Variants in CYGB observed in about 807,000 individuals in gnomAD.
CYGB encodes the protein histoglobin.
Under a neutral mutation model 20.7 loss-of-function variants are expected in CYGB, and 13 were observed. The ratio of observed to expected loss-of-function variants is 0.63; its 90% confidence interval spans 0.41 to 1.00. The LOEUF is 1.00. Ranked by LOEUF, CYGB falls within the 50% of genes least tolerant of loss-of-function variation. The probability of loss-of-function intolerance (pLI) is 0.00; values close to 1 mark genes in which losing one functional copy is unlikely to be tolerated. For missense variants in CYGB, 218 were observed against 257.2 expected, an observed-to-expected ratio of 0.85 and a Z score of 1.04; for synonymous variants, 93 against 107.4, an observed-to-expected ratio of 0.87 and a Z score of 0.83.
At chr17:76,536,508 G>T (rs1309324714) in intron 1 of CYGB, among the ~76,000 whole-genome samples, 1 of 152,212 alleles carries the variant, frequency 6.6e-6, no homozygotes, top group Non-Finnish European at 1.5e-5. Flanking sequence ...ACCAGCACGT[G>T]TGGAAAGAGA....
intron 1 of CYGB, chr17:76,550,637 T>C (rs1338636383): frequency 3.3e-5 from 5 of 152,234 alleles, no homozygotes; most frequent in African/African-American, 7.2e-5. Context: ...TATACACTTA[T>C]TGGACTACTG....
At chr17:76,540,442 T>C (rs368685571), upstream of CYGB, 583 of 1,568,696 alleles carry the variant, frequency 3.7e-4, 1 homozygote, top group Middle Eastern at 3.2e-3. The surrounding 1 kb of genome is among the most constrained non-coding windows in gnomAD (Gnocchi z 5.0). Context: ...CCTGGACCTG[T>C]GGAGGGACAG....
intron 1 of CYGB, 97 bp downstream of exon 1, chr17:76,537,303 G>T: frequency 1.5e-6 from 2 of 1,329,278 alleles, no homozygotes; most frequent in Admixed American, 3.6e-5. Context: ...CGGCTGGGGA[G>T]GTGGCGCTGG....
Position 76,537,604 on chromosome 17 carries a change from G to C in CYGB, c.-62C>G, listed in dbSNP as rs1158481613. ...CGGCGGTGGCGGGGCGCGGGGCGCGGGGCGCGGGGCGCCGGGAGCCGGGGC... is the reference window on the plus strand; with the variant it reads ...CGGCGGTGGCGGGGCGCGGGGCGCGCGGCGCGGGGCGCCGGGAGCCGGGGC... On this transcript the variant is annotated 5_prime_UTR_variant, in exon 1 of 4. Coordinates refer to ENST00000293230, the MANE Select transcript of CYGB (RefSeq NM_134268.5). 1 of 1,050,466 alleles carries C rather than the reference G, an allele frequency of 9.5e-7. No individual in the cohort carries two copies. Among genetic ancestry groups the C allele is most frequent in the Non-Finnish European group, 1.1e-6 (1 of 872,244 alleles). 65.1% of individuals were successfully genotyped at this position (1,050,466 alleles called of 1,614,324 possible).
chr17:76,531,181 C>G lies in CYGB; in HGVS notation c.376-39G>C, dbSNP rs375562952. 24 of 1,590,384 alleles carry G rather than the reference C, an allele frequency of 1.5e-5. No homozygotes were observed. Among genetic ancestry groups the G allele is most frequent in the Non-Finnish European group, 2.0e-5 (23 of 1,164,954 alleles). On this transcript the variant is annotated intron_variant, in intron 2 of 3. Transcript: ENST00000293230. This position sits in a 1 kb window ranked among gnomAD's most constrained non-coding sequence, Gnocchi z 7.4. ...GAGGAAGGGGGAGTGAACGCCCGGG[C>G]GCCCTGCGTCCTGCAACCCCCAGGC...
Position 76,547,375 on chromosome 17 carries a change from GAGGA to G in CYGB, c.-53+3483_-53+3486del, listed in dbSNP as rs1312381930. On this transcript the variant is annotated intron_variant, in intron 1 of 3. Coordinates refer to the CYGB transcript ENST00000589145. ...CCCAGCTGGAGATGCGGAGCCTGGT[GAGGA>G]AGGTTGTTTTGATTTGTTTTTGCAG... 2.0e-5 allele frequency: 3 copies of G among 152,842 alleles called. No individual in the cohort carries two copies. The East Asian group carries it at 5.8e-4, about 29-fold the overall frequency. The allele number at this position is 152,842 out of a possible 1,614,324, so 9.5% of individuals were successfully genotyped here. A position where few individuals can be genotyped will look rare whatever the true frequency, so the allele number is the denominator to read the frequency against.
chr17:76,542,817 G>A (rs1876379341), intron 1 of CYGB, among the ~76,000 whole-genome samples: 4 of 152,212 alleles, frequency 2.6e-5, no homozygotes, highest in Admixed American at 2.6e-4. Context: ...TTGTGGTCCG[G>A]GCCATGGGGC....
At chr17:76,542,347 A>G (rs534027184), upstream of CYGB, among the ~76,000 whole-genome samples, 2 of 152,270 alleles carry the variant, frequency 1.3e-5, no homozygotes, top group African/African-American at 2.4e-5. Flanking sequence ...CCACCTGCCG[A>G]TGGTGGCTGC....
At position 76,527,432 on chromosome 17, in the gene CYGB, C is replaced by T. The variant is rs985998745; in HGVS notation, c.*1146G>A. 2.5e-5 allele frequency: 9 copies of T among 367,196 alleles called. No individual in the cohort carries two copies. The highest frequency in any genetic ancestry group is 1.5e-4 in the East Asian group (2 of 13,688). The allele number at this position is 367,196 out of a possible 1,614,324, so 22.7% of individuals were successfully genotyped here. The stretch of plus-strand genomic sequence containing the variant: ...TCAGAAACTAGAAAAGGAGGACGGG[C>T]GGTTGCACAGATGAGGATGAGGATG... On this transcript the variant is annotated 3_prime_UTR_variant, in exon 4 of 4. Coordinates refer to ENST00000293230, the MANE Select transcript of CYGB (RefSeq NM_134268.5).
At chr17:76,544,997 C>G (rs780340686) in intron 1 of CYGB, 1 of 441,116 alleles carries the variant, frequency 2.3e-6, no homozygotes, top group Non-Finnish European at 4.5e-6. Context: ...TGGCGGCCAG[C>G]GGGGCTGTGG....
At chr17:76,542,556 G>A (rs776381622), upstream of CYGB, 1 of 1,614,210 alleles carries the variant, frequency 6.2e-7, no homozygotes, top group Non-Finnish European at 8.5e-7. Context: ...TGTTTAGGGA[G>A]AAAGAACCTC....
At chr17:76,545,694 C>T (rs1477277770) in intron 1 of CYGB, 1 of 286,388 alleles carries the variant, frequency 3.5e-6, no homozygotes, top group African/African-American at 2.2e-5. Context: ...GGAGATCCTA[C>T]TGGTATCTGT....
At chr17:76,542,461 T>C (rs1243774084), upstream of CYGB, 2 of 1,452,896 alleles carry the variant, frequency 1.4e-6, no homozygotes, top group South Asian at 1.1e-5. Context: ...TTGGGGTGAA[T>C]TGATAGGGAT....
At chr17:76,534,511 G>A (rs562806557) in intron 1 of CYGB, among the ~76,000 whole-genome samples, 1 of 152,318 alleles carries the variant, frequency 6.6e-6, no homozygotes, top group African/African-American at 2.4e-5. Flanking sequence ...AGCTAAGCGG[G>A]TATTACCTCT....
At chr17:76,543,972 G>A (rs1055994807) in intron 1 of CYGB, 9 of 464,272 alleles carry the variant, frequency 1.9e-5, no homozygotes, top group East Asian at 6.9e-5. Context: ...GGGCAGTAGC[G>A]TGTGGGAAGG....
chr17:76,540,639 G>A, upstream of CYGB: 9 of 1,483,026 alleles, frequency 6.1e-6, no homozygotes, highest in Non-Finnish European at 8.4e-6. The surrounding 1 kb of genome is among the most constrained non-coding windows in gnomAD (Gnocchi z 5.0). Context: ...GTGCATGCCT[G>A]GGGGTGCACG....
chr17:76,531,853 T>G lies in CYGB; in HGVS notation c.144-162A>C. On this transcript the variant is annotated intron_variant, in intron 1 of 3. Coordinates refer to ENST00000293230, the MANE Select transcript of CYGB (RefSeq NM_134268.5). This position sits in a 1 kb window ranked among gnomAD's most constrained non-coding sequence, Gnocchi z 7.4. ...CAGTAGACCTCAGCATAGACCCTCC[T>G]CCCTCTGGCCAAGCCGGCTCACCCC... 1.6e-6 allele frequency: 1 copy of G among 609,408 alleles called. No individual in the cohort carries two copies. Among genetic ancestry groups the G allele is most frequent in the Non-Finnish European group, 2.8e-6 (1 of 354,700 alleles). The allele number at this position is 609,408 out of a possible 1,614,324, so 37.8% of individuals were successfully genotyped here.
upstream of CYGB, chr17:76,538,323 G>A (rs2074946946): frequency 1.3e-5 from 4 of 308,064 alleles, no homozygotes; most frequent in South Asian, 9.2e-5. Flanking sequence ...GCTCTGGGGG[G>A]TTAGCACGGG....
In CYGB at chr17:76,528,529, C is replaced by T. The variant is rs370895072; in HGVS notation, c.*49G>A. The T allele has an allele frequency of 3.2e-5, 41 of 1,270,608 alleles. 1 individual carries two copies. The highest frequency in any genetic ancestry group is 3.3e-5 in the Non-Finnish European group (33 of 994,770). 78.7% of individuals were successfully genotyped at this position (1,270,608 alleles called of 1,614,324 possible). ...AGCGTCAAGGAGGGTCTTCAGAACT[C>T]GGCCTTCTGCTCGAGGTGCTGCCAG... On this transcript the variant is annotated 3_prime_UTR_variant, in exon 4 of 4. Transcript: ENST00000293230. This position sits in a 1 kb window ranked among gnomAD's most constrained non-coding sequence, Gnocchi z 5.8.
Sources: gnomAD v4.1 joint callset for allele counts (sites outside exome capture counted in the v4.1 genomes callset) on GRCh38, gnomAD v4.1.1 for gene constraint, Gnocchi (gnomAD v3.1) non-coding constraint, MANE v1.5 for transcripts, NCBI Gene and HGNC (gene_info 2026-07-23, HGNC 2026-07-21) for gene names.